The following CDC42BPA variants were observed in gnomAD, a reference collection of about 807,000 sequenced individuals.
The protein encoded by CDC42BPA is serine/threonine-protein kinase MRCK alpha.
CDC42BPA carries 80 observed loss-of-function variants against 223.5 expected under a neutral mutation model. That is an observed-to-expected ratio of 0.36 (90% confidence interval 0.30 to 0.43). CDC42BPA has a LOEUF of 0.43. Ranked by LOEUF, CDC42BPA falls within the 20% of genes least tolerant of loss-of-function variation. The pLI is 1.00. For synonymous variants in CDC42BPA, 694 were observed against 718.6 expected (o/e 0.97, Z 0.55); for missense variants, 1,743 against 2,099.9 (o/e 0.83, Z 3.32).
chr1:227,010,904 C>A, intron 34 of CDC42BPA: 1 of 1,364,430 alleles, frequency 7.3e-7, no homozygotes. Context: ...CTTGGTGTAC[C>A]AGGGACAGAG....
Position 227,035,396 on chromosome 1 carries a change from A to G in CDC42BPA, c.3336+75T>C, listed in dbSNP as rs940834358. ...ATTTTCCATCAAGAACTATCCTCTT[A>G]AACTAACTGGATTTGATTTTAATTC... On this transcript the variant is annotated intron_variant, in intron 25 of 36. Transcript: ENST00000366766. 3 of 1,152,596 alleles carry G rather than the reference A, an allele frequency of 2.6e-6. No homozygotes were observed. In the African/African-American group the frequency reaches 4.8e-5, roughly 18 times the overall value. 71.4% of individuals were successfully genotyped at this position (1,152,596 alleles called of 1,614,324 possible). A position where few individuals can be genotyped will look rare whatever the true frequency, so the allele number is the denominator to read the frequency against.
chr1:227,028,373 G>A (rs1487287992), intron 30 of CDC42BPA, among the ~76,000 whole-genome samples: 2 of 152,098 alleles, frequency 1.3e-5, no homozygotes, highest in Non-Finnish European at 2.9e-5. Context: ...TAACAATTCT[G>A]GGTTATTTCA....
chr1:227,216,249 T>C (rs1002685688), intron 2 of CDC42BPA, among the ~76,000 whole-genome samples: 2 of 152,066 alleles, frequency 1.3e-5, no homozygotes, highest in Non-Finnish European at 2.9e-5. Context: ...ATAAAACACA[T>C]AAAATTTGAA....
intron 6 of CDC42BPA, among the ~76,000 whole-genome samples, chr1:227,151,255 T>C (rs1178151280): frequency 1.3e-5 from 2 of 152,194 alleles, no homozygotes; most frequent in African/African-American, 4.8e-5. Flanking sequence ...CATAAAATAT[T>C]TGTACTTTTC....
chr1:227,052,224 G>A (rs1277347268), intron 21 of CDC42BPA, among the ~76,000 whole-genome samples: 1 of 152,176 alleles, frequency 6.6e-6, no homozygotes. Context: ...GATCTTCACT[G>A]TTGATCTGTT....
At chr1:227,225,894 G>C (rs1676779101) in intron 2 of CDC42BPA, among the ~76,000 whole-genome samples, 1 of 152,286 alleles carries the variant, frequency 6.6e-6, no homozygotes, top group South Asian at 2.1e-4. Context: ...ATGAGTGCTT[G>C]GGCAAAGCAT....
chr1:227,122,584 T>C (rs1181648283), intron 11 of CDC42BPA, among the ~76,000 whole-genome samples: 1 of 152,238 alleles, frequency 6.6e-6, no homozygotes, highest in Non-Finnish European at 1.5e-5. Flanking sequence ...TTCCCTGTTT[T>C]ATACTTCAGT....
chr1:227,195,395 C>T (rs557814054), intron 4 of CDC42BPA, among the ~76,000 whole-genome samples: 8 of 152,210 alleles, frequency 5.3e-5, no homozygotes, highest in East Asian at 1.9e-4. Flanking sequence ...GGTTTCACCA[C>T]GTTGCCCAGG....
In CDC42BPA at chr1:227,243,331, TA is replaced by T. The variant is rs752028135; in HGVS notation, c.270+10732del. Among the ~76,000 whole-genome samples the T allele has an allele frequency of 2.9e-4, 44 of 152,182 alleles. 1 individual carries two copies. The highest frequency in any genetic ancestry group is 3.1e-4 in the Non-Finnish European group (21 of 68,030). ...TACCCCTGACCTTAAGAACTGTTTT[TA>T]AAAAAGACTTCTACATTGAAAACTG... On this transcript the variant is annotated intron_variant, in intron 2 of 36. Transcript: ENST00000366766.
In CDC42BPA at chr1:226,994,577, C is replaced by T. The variant is rs1405280563; in HGVS notation, c.5134-178G>A. Among the ~76,000 whole-genome samples, 2 of 152,170 alleles carry T rather than the reference C, an allele frequency of 1.3e-5. No individual in the cohort carries two copies. The highest frequency in any genetic ancestry group is 2.4e-5 in the African/African-American group (1 of 41,438). On this transcript the variant is annotated intron_variant, in intron 36 of 36. Transcript: ENST00000366766. This position sits in a 1 kb window ranked among gnomAD's most constrained non-coding sequence, Gnocchi z 4.0. ...GAAGAGGCACGGAACATACAAGCTC[C>T]GTCCTTTCTGTAGGCCTTTACAGAT...
intron 5 of CDC42BPA, among the ~76,000 whole-genome samples, chr1:227,183,628 T>C (rs150442067): frequency 2.0e-5 from 3 of 152,346 alleles, no homozygotes; most frequent in Non-Finnish European, 4.4e-5. Context: ...TCCGGTATTC[T>C]GCTATTACAA....
At chr1:227,179,413 G>T (rs2150019910) in intron 5 of CDC42BPA, among the ~76,000 whole-genome samples, 1 of 151,910 alleles carries the variant, frequency 6.6e-6, no homozygotes, top group East Asian at 1.9e-4. Context: ...GAGGCGGGCG[G>T]ATCACAAGGT....
chr1:227,004,955 CCT>C (rs1663689426), intron 35 of CDC42BPA, 37 bp downstream of exon 35: 4 of 1,387,412 alleles, frequency 2.9e-6, no homozygotes, highest in Non-Finnish European at 4.1e-6. Context: ...TGGGGGTCAC[CCT>C]GTCTCAGAGG....
intron 21 of CDC42BPA, among the ~76,000 whole-genome samples, chr1:227,054,940 T>TA (rs1000549883): frequency 1.3e-5 from 2 of 151,906 alleles, no homozygotes; most frequent in Admixed American, 6.5e-5. Context: ...ATTTTTCCTA[T>TA]AAAAAATATT....
chr1:227,100,347 C>T (rs900930954), intron 15 of CDC42BPA, among the ~76,000 whole-genome samples: 1 of 152,144 alleles, frequency 6.6e-6, no homozygotes, highest in Non-Finnish European at 1.5e-5. Flanking sequence ...AATCATGTCA[C>T]CTTTCTTCAA....
At chr1:227,098,279 T>C (rs1196156855) in intron 15 of CDC42BPA, among the ~76,000 whole-genome samples, 1 of 152,190 alleles carries the variant, frequency 6.6e-6, no homozygotes, top group African/African-American at 2.4e-5. Flanking sequence ...AATTTTTTTC[T>C]ATCTATATCC....
At chr1:227,034,165 A>C (rs944000794) in intron 26 of CDC42BPA, among the ~76,000 whole-genome samples, 4 of 152,202 alleles carry the variant, frequency 2.6e-5, no homozygotes, top group Non-Finnish European at 4.4e-5. Flanking sequence ...ATGATCACTC[A>C]AGGATAGTGC....
intron 29 of CDC42BPA, among the ~76,000 whole-genome samples, chr1:227,029,816 A>AT (rs1027549059): frequency 1.3e-5 from 2 of 151,942 alleles, no homozygotes; most frequent in Admixed American, 1.3e-4. Context: ...AGTTGTATAT[A>AT]TTTTTTTTCA....
At chr1:227,074,419 ATATGT>A in intron 17 of CDC42BPA, 55 bp from the exon 18 acceptor site, 1 of 1,240,832 alleles carries the variant, frequency 8.1e-7, no homozygotes, top group Non-Finnish European at 1.2e-6. Flanking sequence ...TCAGTGCAAT[ATATGT>A]TATTTTAAAG....
Sources: allele counts gnomAD v4.1 joint callset (sites outside exome capture counted in the v4.1 genomes callset), GRCh38; gene constraint gnomAD v4.1.1; non-coding constraint Gnocchi (gnomAD v3.1); transcripts MANE v1.5; gene names NCBI Gene and HGNC (gene_info 2026-07-23, HGNC 2026-07-21).